Variants in PPP2R2C observed in about 807,000 individuals in gnomAD.
PPP2R2C encodes protein phosphatase 2 regulatory subunit Bgamma.
A neutral mutation model predicts 45.3 loss-of-function variants in PPP2R2C; 10 were observed. The ratio of observed to expected loss-of-function variants is 0.22; its 90% confidence interval spans 0.14 to 0.37. The LOEUF is 0.37. Ranked by LOEUF, PPP2R2C falls within the 10% of genes least tolerant of loss-of-function variation. The pLI is 1.00. For synonymous variants in PPP2R2C, 257 were observed against 245.4 expected (o/e 1.05, Z -0.44); for missense variants, 308 against 619.7 (o/e 0.50, Z 5.34).
intron 2 of PPP2R2C, chr4:6,523,524 G>C (rs528841977): frequency 2.0e-5 from 3 of 152,366 alleles, no homozygotes; most frequent in South Asian, 2.1e-4. Context: ...AAGTCACAAT[G>C]AGACAACGCA....
chr4:6,511,738 A>G (rs1287048298), intron 2 of PPP2R2C, among the ~76,000 whole-genome samples: 3 of 14,790 alleles, frequency 2.0e-4, no homozygotes, highest in Non-Finnish European at 3.1e-4. Flanking sequence ...GGTGGAGGTG[A>G]TGGTGGTGAT....
chr4:6,498,178 G>A (rs759519059), intron 2 of PPP2R2C, among the ~76,000 whole-genome samples: 21 of 152,170 alleles, frequency 1.4e-4, no homozygotes, highest in Non-Finnish European at 2.4e-4. Flanking sequence ...TACACACATC[G>A]ACAAGGAATA....
chr4:6,474,419 C>T (rs1722064248), upstream of PPP2R2C, among the ~76,000 whole-genome samples: 1 of 152,156 alleles, frequency 6.6e-6, no homozygotes, highest in Non-Finnish European at 1.5e-5. Context: ...GGTCAGGCCT[C>T]CTGGGAGCTC....
intron 1 of PPP2R2C, chr4:6,413,974 A>C: frequency 2.0e-6 from 3 of 1,535,850 alleles, no homozygotes; most frequent in Non-Finnish European, 2.6e-6. Context: ...GTGGCTCTGC[A>C]GTTGGCTACT....
At chr4:6,376,850 T>C (rs549277050) in intron 3 of PPP2R2C, among the ~76,000 whole-genome samples, 22 of 152,202 alleles carry the variant, frequency 1.4e-4, no homozygotes, top group Non-Finnish European at 2.1e-4. Flanking sequence ...GGATCTCTCA[T>C]GCTCTGCTGG....
chr4:6,505,113 G>C (rs1367772785), intron 2 of PPP2R2C, among the ~76,000 whole-genome samples: 1 of 151,812 alleles, frequency 6.6e-6, no homozygotes, highest in Non-Finnish European at 1.5e-5. Context: ...CTTCTCATCA[G>C]AAACTATGGA....
intron 2 of PPP2R2C, chr4:6,535,154 C>T: frequency 8.3e-7 from 1 of 1,202,008 alleles, no homozygotes; most frequent in Non-Finnish European, 1.2e-6. Context: ...CGGATCCCAG[C>T]ACGGTGGGGT....
intron 2 of PPP2R2C, among the ~76,000 whole-genome samples, chr4:6,511,484 T>C (rs1274851017): frequency 2.3e-5 from 2 of 87,714 alleles, no homozygotes; most frequent in African/African-American, 9.6e-5. Flanking sequence ...GTGATGGCGG[T>C]GTTGGTGGTG....
chr4:6,503,810 A>C (rs1212398179), intron 2 of PPP2R2C, among the ~76,000 whole-genome samples: 1 of 145,834 alleles, frequency 6.9e-6, no homozygotes, highest in African/African-American at 2.7e-5. Context: ...AAAAAAAAAC[A>C]AAAACTGAGA....
At chr4:6,424,190 C>T (rs1343861343) in intron 1 of PPP2R2C, among the ~76,000 whole-genome samples, 1 of 152,222 alleles carries the variant, frequency 6.6e-6, no homozygotes, top group Non-Finnish European at 1.5e-5. Context: ...GAAGTCACAG[C>T]AGCAGGTCAC....
chr4:6,402,799 T>TGGGAGGCATTCAGGTGA (rs1418564295), intron 1 of PPP2R2C, among the ~76,000 whole-genome samples: 20 of 152,282 alleles, frequency 1.3e-4, no homozygotes, highest in African/African-American at 4.8e-4. Flanking sequence ...ACACTGCTAG[T>TGGGAGGCATTCAGGTGA]GGGAGGCATT....
intron 2 of PPP2R2C, among the ~76,000 whole-genome samples, chr4:6,528,479 G>A (rs1016412727): frequency 6.6e-6 from 1 of 152,082 alleles, no homozygotes; most frequent in African/African-American, 2.4e-5. Context: ...TCCTCCACTC[G>A]ACCCAAACTG....
At chr4:6,431,183 G>A (rs1719596443) in intron 1 of PPP2R2C, among the ~76,000 whole-genome samples, 1 of 152,216 alleles carries the variant, frequency 6.6e-6, no homozygotes, top group Non-Finnish European at 1.5e-5. Flanking sequence ...GGGTGTGCAG[G>A]TCCGTGTTTC....
chr4:6,540,797 A>G (rs1179409955), intron 1 of PPP2R2C, among the ~76,000 whole-genome samples: 1 of 152,250 alleles, frequency 6.6e-6, no homozygotes, highest in Non-Finnish European at 1.5e-5. Context: ...ACATGGGAAG[A>G]AAGCAAAAAT....
rs993560279 is a variant in PPP2R2C at position 6,556,624 on chromosome 4, C to A, written c.-59+6936G>T. On this transcript the variant is annotated intron_variant, in intron 1 of 9. Transcript: ENST00000506140. The stretch of plus-strand genomic sequence containing the variant: ...GTCATTTGAGAGGTCCATCCACACA[C>A]CTCTTCCCCAGGCCACCTTGTCATC... Among the ~76,000 whole-genome samples the A allele has an allele frequency of 2.6e-5, 4 of 152,318 alleles. No individual in the cohort carries two copies. The South Asian group carries it at 8.3e-4, about 32-fold the overall frequency.
At chr4:6,393,338 C>T (rs557454616) in intron 1 of PPP2R2C, among the ~76,000 whole-genome samples, 12 of 152,228 alleles carry the variant, frequency 7.9e-5, no homozygotes, top group Non-Finnish European at 1.5e-4. Flanking sequence ...AATCATACAG[C>T]AGCACGTGGC....
chr4:6,498,443 T>G (rs1405680556), intron 2 of PPP2R2C, among the ~76,000 whole-genome samples: 2 of 152,202 alleles, frequency 1.3e-5, no homozygotes, highest in East Asian at 3.9e-4. Flanking sequence ...CTCCACAACC[T>G]ACACAAATGA....
chr4:6,378,345 C>A lies in PPP2R2C; in HGVS notation c.334+62G>T. 1 of 1,607,176 alleles carries A rather than the reference C, an allele frequency of 6.2e-7. No homozygotes were observed. On this transcript the variant is annotated intron_variant, in intron 3 of 8. Transcript: ENST00000382599. The surrounding 1 kb of genome is among the most constrained non-coding windows in gnomAD (Gnocchi z 5.2). Reference sequence around the variant, plus strand: ...CTCACAATATAAGTGAAATACAAACCAGCATTTGGTAGAAACATCTACGGC... The same window carrying A: ...CTCACAATATAAGTGAAATACAAACAAGCATTTGGTAGAAACATCTACGGC...
chr4:6,533,696 G>T (rs1168822134), intron 2 of PPP2R2C, among the ~76,000 whole-genome samples: 1 of 152,172 alleles, frequency 6.6e-6, no homozygotes, highest in Non-Finnish European at 1.5e-5. Flanking sequence ...TGTGCCTTAA[G>T]TAAGGGTAGA....
Sources: allele counts gnomAD v4.1 joint callset (sites outside exome capture counted in the v4.1 genomes callset), GRCh38; gene constraint gnomAD v4.1.1; non-coding constraint Gnocchi (gnomAD v3.1); transcripts MANE v1.5; gene names NCBI Gene and HGNC (gene_info 2026-07-23, HGNC 2026-07-21).